The following DGKB variants were observed in gnomAD, a reference collection of about 807,000 sequenced individuals.
DGKB encodes 90 kDa diacylglycerol kinase.
In DGKB, 67 loss-of-function variants were observed where a neutral mutation model predicts 114.3. The ratio of observed to expected loss-of-function variants is 0.59; its 90% CI spans 0.48 to 0.72. DGKB has a LOEUF of 0.72. Among genes scored for constraint, DGKB ranks in the 30% least tolerant of loss-of-function variants. DGKB has a pLI of 0.00. For synonymous variants in DGKB, 398 were observed against 323.1 expected, an observed-to-expected ratio of 1.23 and a Z score of -2.49; for missense variants, 907 against 975.2, an observed-to-expected ratio of 0.93 and a Z score of 0.93.
intron 23 of DGKB, among the ~76,000 whole-genome samples, chr7:14,288,234 A>ATTTTTTTTTTTTTTTTTTT (rs1357871823): frequency 1.3e-5 from 1 of 75,776 alleles, no homozygotes; most frequent in Admixed American, 1.4e-4. Flanking sequence ...TTTTTTTTTA[A>ATTTTTTTTTTTTTTTTTTT]TTTTTTTTTT....
chr7:14,923,983 C>CAAAAAAAAAAAAAAAAAAAAA (rs56032330), intron 1 of DGKB, among the ~76,000 whole-genome samples: 22 of 76,164 alleles, frequency 2.9e-4, no homozygotes, highest in African/African-American at 1.0e-3. Context: ...AGCTCCATCT[C>CAAAAAAAAAAAAAAAAAAAAA]AAAAAAAAAA....
At chr7:14,543,411 C>A (rs189949431) in intron 20 of DGKB, among the ~76,000 whole-genome samples, 42 of 152,034 alleles carry the variant, frequency 2.8e-4, no homozygotes, top group African/African-American at 6.8e-4. Flanking sequence ...CACCACTGCA[C>A]TCCAGCGTGG....
At chr7:14,213,011 C>G (rs1324068848) in intron 23 of DGKB, among the ~76,000 whole-genome samples, 3 of 152,018 alleles carry the variant, frequency 2.0e-5, no homozygotes, top group Non-Finnish European at 4.4e-5. Flanking sequence ...AGAGGTAATA[C>G]TAATTATGAA....
At chr7:14,794,440 A>G (rs1360941919) in intron 2 of DGKB, among the ~76,000 whole-genome samples, 1 of 152,192 alleles carries the variant, frequency 6.6e-6, no homozygotes, top group Non-Finnish European at 1.5e-5. Flanking sequence ...ATACTTTTGA[A>G]GATTTTCAGA....
At chr7:14,240,885 T>C (rs918266100) in intron 23 of DGKB, among the ~76,000 whole-genome samples, 4 of 152,132 alleles carry the variant, frequency 2.6e-5, no homozygotes, top group Non-Finnish European at 5.9e-5. Context: ...TGTTTATATA[T>C]TCTCCTTATT....
chr7:14,686,976 A>T (rs1007474838), intron 9 of DGKB, among the ~76,000 whole-genome samples: 3 of 152,170 alleles, frequency 2.0e-5, no homozygotes, highest in Non-Finnish European at 4.4e-5. Flanking sequence ...CTATACTTAC[A>T]GTATAATAAA....
intron 23 of DGKB, among the ~76,000 whole-genome samples, chr7:14,224,346 T>C (rs1470817057): frequency 2.0e-5 from 3 of 152,082 alleles, no homozygotes; most frequent in Non-Finnish European, 4.4e-5. Flanking sequence ...AAATAGTTTC[T>C]ATTTTTATGT....
intron 20 of DGKB, among the ~76,000 whole-genome samples, chr7:14,528,931 C>A (rs1377655576): frequency 6.6e-6 from 1 of 151,768 alleles, no homozygotes; most frequent in African/African-American, 2.4e-5. Flanking sequence ...AAAGGAAGGT[C>A]AAAAAAGATG....
At chr7:14,209,084 A>G (rs1787310687) in intron 23 of DGKB, 2 of 179,426 alleles carry the variant, frequency 1.1e-5, no homozygotes, top group East Asian at 3.5e-4. Flanking sequence ...CAAACAGAAT[A>G]TAATTATAGC....
chr7:14,312,512 C>T (rs1805578723), intron 23 of DGKB, among the ~76,000 whole-genome samples: 1 of 152,122 alleles, frequency 6.6e-6, no homozygotes, highest in African/African-American at 2.4e-5. Flanking sequence ...CTTGATGAAG[C>T]AGTAAAAATT....
At position 14,500,189 on chromosome 7, in the gene DGKB, A is replaced by G. The variant is rs535292702; in HGVS notation, c.1771-21964T>C. On this transcript the variant is annotated intron_variant, in intron 20 of 25. Transcript: ENST00000402815. ...TGCTAACTTTTAAAAATAAAACAAT[A>G]TCCTCCTTTTCTCGTAGTCTAAATT... Among the ~76,000 whole-genome samples the G allele has an allele frequency of 2.0e-5, 3 of 151,950 alleles. No homozygotes were observed. In the South Asian group the frequency reaches 6.2e-4, roughly 31 times the overall value.
chr7:14,457,725 G>A (rs1212630540), intron 21 of DGKB, among the ~76,000 whole-genome samples: 1 of 152,144 alleles, frequency 6.6e-6, no homozygotes, highest in Admixed American at 6.5e-5. Flanking sequence ...TTAGTAGGCT[G>A]GACTAAGGTA....
chr7:14,718,477 A>G (rs1828580210), intron 6 of DGKB, 65 bp downstream of exon 6: 4 of 1,432,974 alleles, frequency 2.8e-6, no homozygotes, highest in Middle Eastern at 3.6e-4. Context: ...TTTTAAGTTA[A>G]TCAATATCCA....
chr7:14,349,835 C>A (rs1813127042), intron 21 of DGKB, among the ~76,000 whole-genome samples: 1 of 152,060 alleles, frequency 6.6e-6, no homozygotes. Context: ...ATAATTCAAA[C>A]TCAAATTTGT....
chr7:14,905,740 G>T (rs1222143045), upstream of DGKB, among the ~76,000 whole-genome samples: 1 of 152,106 alleles, frequency 6.6e-6, no homozygotes, highest in Admixed American at 6.6e-5. Context: ...GCAAAAGCAA[G>T]CCATGTTTGC....
chr7:14,353,655 T>G (rs1173952821), intron 21 of DGKB, among the ~76,000 whole-genome samples: 1 of 152,164 alleles, frequency 6.6e-6, no homozygotes, highest in Non-Finnish European at 1.5e-5. Context: ...CAAAGCACAC[T>G]CAAAACATAA....
At chr7:14,613,566 C>CGT (rs1251154478) in intron 15 of DGKB, among the ~76,000 whole-genome samples, 153 bp from the exon 16 acceptor site, 2 of 127,928 alleles carry the variant, frequency 1.6e-5, no homozygotes, top group African/African-American at 5.3e-5. Context: ...TGAGTGTGTG[C>CGT]GTGTGTGTGC....
chr7:14,883,310 T>A (rs1298750438), intron 1 of DGKB, among the ~76,000 whole-genome samples: 2 of 151,918 alleles, frequency 1.3e-5, no homozygotes, highest in Non-Finnish European at 2.9e-5. Flanking sequence ...TCCCCTAAAG[T>A]ATGAAGCCTC....
At chr7:14,907,431 A>C (rs1375842802), upstream of DGKB, among the ~76,000 whole-genome samples, 1 of 152,214 alleles carries the variant, frequency 6.6e-6, no homozygotes, top group East Asian at 1.9e-4. Flanking sequence ...TCACCTATGA[A>C]ATGAGGATGC....
Sources: gnomAD v4.1 joint callset for allele counts (sites outside exome capture counted in the v4.1 genomes callset) on GRCh38, gnomAD v4.1.1 for gene constraint, MANE v1.5 for transcripts, NCBI Gene and HGNC (gene_info 2026-07-23, HGNC 2026-07-21) for gene names.